PTPRD: variants seen among roughly 807,000 people sequenced by gnomAD.
PTPRD encodes the protein protein tyrosine phosphatase receptor type D, also known as receptor-type tyrosine-protein phosphatase delta.
PTPRD carries 34 observed loss-of-function variants against 214.5 expected under a neutral mutation model. The ratio of observed to expected loss-of-function variants is 0.16; its 90% CI spans 0.12 to 0.21. The LOEUF (loss-of-function observed/expected upper bound fraction) is 0.21. PTPRD is among the 10% of genes least tolerant of loss of function. The probability of loss-of-function intolerance (pLI) is 1.00; values close to 1 mark genes in which losing one functional copy is unlikely to be tolerated. For missense variants in PTPRD, 2,545 were observed against 2,398.7 expected, an observed-to-expected ratio of 1.06 and a Z score of -1.27; for synonymous variants, 1,128 against 845.7, an observed-to-expected ratio of 1.33 and a Z score of -5.79.
chr9:9,768,953 G>A (rs1268756319), intron 5 of PTPRD, among the ~76,000 whole-genome samples: 5 of 152,108 alleles, frequency 3.3e-5, no homozygotes, highest in African/African-American at 1.2e-4. Flanking sequence ...TCGGATTAAG[G>A]TTACTTGTTC....
chr9:8,854,254 A>T (rs1198079738), intron 11 of PTPRD, among the ~76,000 whole-genome samples: 1 of 152,212 alleles, frequency 6.6e-6, no homozygotes, highest in Non-Finnish European at 1.5e-5. Context: ...AGAGCACAAG[A>T]GCACACACAC....
chr9:8,657,050 A>G (rs2096924116), intron 12 of PTPRD, among the ~76,000 whole-genome samples: 1 of 151,824 alleles, frequency 6.6e-6, no homozygotes. Flanking sequence ...GTAGCTCATT[A>G]TGGTTTTGAT....
intron 32 of PTPRD, among the ~76,000 whole-genome samples, chr9:8,463,738 T>C (rs930237095): frequency 6.6e-6 from 1 of 151,934 alleles, no homozygotes; most frequent in Admixed American, 6.6e-5. Context: ...ACATTCTTAA[T>C]ATGAGACAAA....
intron 7 of PTPRD, among the ~76,000 whole-genome samples, chr9:9,601,475 G>C (rs1414334498): frequency 6.6e-6 from 1 of 152,036 alleles, no homozygotes; most frequent in Non-Finnish European, 1.5e-5. Flanking sequence ...CATGATTAGA[G>C]CCAGATCATA....
intron 2 of PTPRD, among the ~76,000 whole-genome samples, chr9:10,582,824 C>A (rs2072432457): frequency 6.6e-6 from 1 of 152,118 alleles, no homozygotes; most frequent in Admixed American, 6.5e-5. Flanking sequence ...CTGTGAAAGT[C>A]ATTAATGGTG....
At chr9:8,951,263 A>G (rs1237649143) in intron 11 of PTPRD, among the ~76,000 whole-genome samples, 1 of 138,430 alleles carries the variant, frequency 7.2e-6, no homozygotes, top group African/African-American at 2.7e-5. Context: ...ACACTTCTCT[A>G]TTTTTTTTCT....
At chr9:8,749,476 C>A (rs935947474) in intron 11 of PTPRD, among the ~76,000 whole-genome samples, 4 of 152,180 alleles carry the variant, frequency 2.6e-5, no homozygotes, top group African/African-American at 9.7e-5. Context: ...GCGTGAGCCA[C>A]CATGACCAGG....
intron 2 of PTPRD, among the ~76,000 whole-genome samples, chr9:10,423,005 CAT>C (rs1476971165): frequency 6.6e-6 from 1 of 152,058 alleles, no homozygotes; most frequent in Non-Finnish European, 1.5e-5. Context: ...CACATGCACA[CAT>C]ATGTTTATTG....
At chr9:8,940,540 G>T (rs1345554068) in intron 11 of PTPRD, among the ~76,000 whole-genome samples, 1 of 144,314 alleles carries the variant, frequency 6.9e-6, no homozygotes, top group African/African-American at 2.6e-5. Flanking sequence ...TGATCCACCT[G>T]CCCTTGGCCT....
At chr9:9,000,018 G>A (rs555788855) in intron 11 of PTPRD, among the ~76,000 whole-genome samples, 6 of 151,948 alleles carry the variant, frequency 3.9e-5, no homozygotes, top group Non-Finnish European at 5.9e-5. Flanking sequence ...CCAGAGTCCT[G>A]GTGGCAAATT....
chr9:9,996,623 A>G (rs1458628440), intron 4 of PTPRD, among the ~76,000 whole-genome samples: 1 of 152,174 alleles, frequency 6.6e-6, no homozygotes, highest in African/African-American at 2.4e-5. Context: ...CTAAGTATTG[A>G]AGTTGTGCTG....
chr9:9,105,721 G>T (rs996725047), intron 10 of PTPRD, among the ~76,000 whole-genome samples: 7 of 152,184 alleles, frequency 4.6e-5, no homozygotes, highest in Non-Finnish European at 1.0e-4. Flanking sequence ...GCTACACACT[G>T]AAAATGTTCA....
chr9:9,719,953 T>A (rs2097907017), intron 7 of PTPRD, among the ~76,000 whole-genome samples: 2 of 152,198 alleles, frequency 1.3e-5, no homozygotes, highest in Non-Finnish European at 2.9e-5. Flanking sequence ...CTGTGTGCAC[T>A]GGCAGGACCC....
At chr9:8,910,273 G>T (rs1354040972) in intron 11 of PTPRD, among the ~76,000 whole-genome samples, 1 of 151,918 alleles carries the variant, frequency 6.6e-6, no homozygotes, top group Non-Finnish European at 1.5e-5. Context: ...TCCTGACCTC[G>T]TGATCCGCCC....
chr9:8,521,556 A>G lies in PTPRD; in HGVS notation c.692-10T>C, dbSNP rs772083894. ...GGTGGGACACGGCGAACTGGAACAA[A>G]ACACAAGGGAAATGATAACATATAC... On this transcript the variant is annotated splice_polypyrimidine_tract_variant and intron_variant, in intron 19 of 45. Transcript: ENST00000381196. The G allele has an allele frequency of 2.5e-6, 4 of 1,611,434 alleles. No homozygotes were observed. Among genetic ancestry groups the G allele is most frequent in the Non-Finnish European group, 3.4e-6 (4 of 1,178,516 alleles).
rs1416227838 is a variant in PTPRD at position 9,197,670 on chromosome 9, CAAA to C, written c.-202-14310_-202-14308del. On this transcript the variant is annotated intron_variant, in intron 9 of 45. Coordinates refer to ENST00000381196, the MANE Select transcript of PTPRD (RefSeq NM_002839.4). ...AGGTGATCTGCCCGCCACGGCCTCC[CAAA>C]GTGCTGGGATTACAGGCATGAGCCA... is the stretch of plus-strand genomic sequence containing the variant. Among the ~76,000 whole-genome samples, 43 of 152,196 alleles carry C rather than the reference CAAA, an allele frequency of 2.8e-4. 1 individual carries two copies.
rs76311415 is a variant in PTPRD, at chr9:9,919,799, G to C, written c.-368+18708C>G. On this transcript the variant is annotated intron_variant, in intron 5 of 45. Coordinates refer to ENST00000381196, the MANE Select transcript of PTPRD (RefSeq NM_002839.4). ...CCTGCCTGAGTGAGCCTCAGTCTTC[G>C]TTACTGCAGCATTTGTAAGATATCA... Among the ~76,000 whole-genome samples, 1,172 of 152,162 alleles carry C rather than the reference G, an allele frequency of 7.7e-3. 13 individuals are homozygous for C. Among genetic ancestry groups the C allele is most frequent in the African/African-American group, 0.026 (1,083 of 41,512 alleles).
intron 2 of PTPRD, among the ~76,000 whole-genome samples, chr9:10,431,389 T>A (rs374651392): frequency 1.3e-5 from 2 of 151,870 alleles, no homozygotes; most frequent in African/African-American, 4.8e-5. Flanking sequence ...GGACTTCATG[T>A]CTAAAACACC....
intron 4 of PTPRD, among the ~76,000 whole-genome samples, chr9:9,977,127 A>G (rs58690159): frequency 0.22 from 33,337 of 152,166 alleles, 4,471 homozygotes; most frequent in Middle Eastern, 0.34. Flanking sequence ...TAAGTTTTAC[A>G]AAATCTCTGA....
Sources: gnomAD v4.1 joint callset for allele counts (sites outside exome capture counted in the v4.1 genomes callset) on GRCh38, gnomAD v4.1.1 for gene constraint, MANE v1.5 for transcripts, NCBI Gene and HGNC (gene_info 2026-07-23, HGNC 2026-07-21) for gene names.